ZGRF1: variants seen among roughly 807,000 people sequenced by gnomAD.
ZGRF1 encodes zinc finger GRF-type containing 1, also known as 5'-3' DNA helicase ZGRF1.
In ZGRF1, 196 loss-of-function variants were observed where a neutral mutation model predicts 203.5. That is an observed-to-expected ratio of 0.96 (90% CI 0.86 to 1.08). ZGRF1 has a LOEUF of 1.08. Ranked by LOEUF, ZGRF1 falls within the 50% of genes least tolerant of loss-of-function variation. The pLI is 0.00. For synonymous variants in ZGRF1, 809 were observed against 841.3 expected (o/e 0.96, Z 0.66); for missense variants, 2,326 against 2,416.3 (o/e 0.96, Z 0.78).
intron 16 of ZGRF1, among the ~76,000 whole-genome samples, chr4:112,576,730 A>G (rs1745303941): frequency 1.3e-5 from 2 of 152,174 alleles, no homozygotes; most frequent in South Asian, 4.1e-4. Flanking sequence ...TTTATGGAAA[A>G]AAGAATAAAA....
At chr4:112,627,294 T>A (rs2047269380) in intron 3 of ZGRF1, among the ~76,000 whole-genome samples, 1 of 152,194 alleles carries the variant, frequency 6.6e-6, no homozygotes. Flanking sequence ...CTATAATCAT[T>A]CTTTTTCTCC....
chr4:112,633,890 C>G (rs1272150012), intron 1 of ZGRF1, among the ~76,000 whole-genome samples: 1 of 152,154 alleles, frequency 6.6e-6, no homozygotes, highest in African/African-American at 2.4e-5. Flanking sequence ...CCTGGACCAA[C>G]AGTATCATCT....
In ZGRF1 at chr4:112,633,223, T is replaced by G; in HGVS notation, c.-47A>C. The G allele has an allele frequency of 6.8e-7, 1 of 1,480,444 alleles. No homozygotes were observed. The highest frequency in any genetic ancestry group is 1.2e-5 in the South Asian group (1 of 86,140). The allele number at this position is 1,480,444 out of a possible 1,614,324, so 91.7% of individuals were successfully genotyped here. On this transcript the variant is annotated 5_prime_UTR_variant, in exon 2 of 28. Coordinates refer to ENST00000505019, the MANE Select transcript of ZGRF1 (RefSeq NM_018392.5). ...CCAGCTGGGTCCAGAAAATAGGAAA[T>G]ATTCAACTATTTATACCACCTAAAA...
chr4:112,620,294 G>A (rs1560875946), intron 4 of ZGRF1, 104 bp from the exon 5 acceptor site: 1 of 693,830 alleles, frequency 1.4e-6, no homozygotes, highest in East Asian at 2.9e-5. Flanking sequence ...CAATAAATAG[G>A]TGTTGAACGA....
intron 14 of ZGRF1, 63 bp from the exon 15 acceptor site, chr4:112,584,237 TTG>T (rs557002741): frequency 3.2e-4 from 389 of 1,210,768 alleles, no homozygotes; most frequent in Non-Finnish European, 4.0e-4. Flanking sequence ...TCGATTATTT[TTG>T]TGTTTGTCAA....
rs1738026203 is a variant in ZGRF1 at position 112,543,124 on chromosome 4, G to T, written c.5599-1856C>A. The stretch of plus-strand genomic sequence containing the variant: ...AGCAAAGAAACAATATTATATCCAT[G>T]AACTTACCACCCAGACTTGACATTA... On this transcript the variant is annotated intron_variant, in intron 24 of 27. Coordinates refer to ENST00000505019, the MANE Select transcript of ZGRF1 (RefSeq NM_018392.5). 1.3e-5 allele frequency among the ~76,000 whole-genome samples: 2 copies of T among 152,032 alleles called. 1 individual carries two copies. The highest frequency in any genetic ancestry group is 4.1e-4 in the South Asian group (2 of 4,820).
intron 16 of ZGRF1, among the ~76,000 whole-genome samples, chr4:112,573,167 T>TACACACACACAC (rs145611842): frequency 1.9e-4 from 27 of 145,514 alleles, no homozygotes; most frequent in African/African-American, 3.6e-4. Flanking sequence ...GAAATTGTGA[T>TACACACACACAC]ACACACACAC....
Position 112,597,089 on chromosome 4 carries a change from C to T in ZGRF1, c.2976+6435G>A, listed in dbSNP as rs1217466205. On this transcript the variant is annotated intron_variant, in intron 10 of 27. Coordinates refer to ENST00000505019, the MANE Select transcript of ZGRF1 (RefSeq NM_018392.5). ...ATTAGCCAGGTGTGGTGGTGCACGCCTGTAGTCCCAGCTTCTTGGGAGGCT... is the reference window on the plus strand; with the variant it reads ...ATTAGCCAGGTGTGGTGGTGCACGCTTGTAGTCCCAGCTTCTTGGGAGGCT... 2.0e-5 allele frequency among the ~76,000 whole-genome samples: 3 copies of T among 151,668 alleles called. No individual in the cohort carries two copies. In the East Asian group the frequency reaches 5.8e-4, roughly 29 times the overall value.
At chr4:112,607,338 T>C (rs184947307) in intron 8 of ZGRF1, among the ~76,000 whole-genome samples, 2 of 152,334 alleles carry the variant, frequency 1.3e-5, no homozygotes, top group African/African-American at 2.4e-5. Context: ...CTCACTGTAT[T>C]GCCCACACTG....
At chr4:112,545,566 G>C (rs1028013214) in intron 24 of ZGRF1, among the ~76,000 whole-genome samples, 1 of 152,104 alleles carries the variant, frequency 6.6e-6, no homozygotes, top group Non-Finnish European at 1.5e-5. Flanking sequence ...ATAGAAAAAA[G>C]TTTGGTGGTT....
chr4:112,629,344 T>C (rs2149204940), intron 3 of ZGRF1, among the ~76,000 whole-genome samples: 1 of 152,346 alleles, frequency 6.6e-6, no homozygotes, highest in South Asian at 2.1e-4. Flanking sequence ...AGATTTTAGT[T>C]ATTGGCCAAT....
chr4:112,550,900 T>C (rs1739831009), intron 22 of ZGRF1, among the ~76,000 whole-genome samples: 1 of 152,146 alleles, frequency 6.6e-6, no homozygotes, highest in African/African-American at 2.4e-5. Context: ...AGTAATGTCC[T>C]AGGCTTCCAC....
chr4:112,634,943 A>C (rs1452494997), intron 1 of ZGRF1, among the ~76,000 whole-genome samples: 1 of 152,044 alleles, frequency 6.6e-6, no homozygotes, highest in Admixed American at 6.5e-5. Flanking sequence ...CAGCCTGACC[A>C]ACATGGTGAA....
At chr4:112,595,044 CCAGCCTGG>C (rs1748769522) in intron 10 of ZGRF1, among the ~76,000 whole-genome samples, 1 of 151,936 alleles carries the variant, frequency 6.6e-6, no homozygotes, top group Non-Finnish European at 1.5e-5. Context: ...GAGTTTGAGA[CCAGCCTGG>C]CCAACATGGT....
chr4:112,589,149 T>C (rs968670967), intron 11 of ZGRF1, among the ~76,000 whole-genome samples: 1 of 151,962 alleles, frequency 6.6e-6, no homozygotes, highest in Non-Finnish European at 1.5e-5. Context: ...GATATATTGA[T>C]GAGATTATAA....
At chr4:112,604,407 G>C (rs1195584298) in intron 9 of ZGRF1, among the ~76,000 whole-genome samples, 1 of 151,952 alleles carries the variant, frequency 6.6e-6, no homozygotes, top group Non-Finnish European at 1.5e-5. Flanking sequence ...ATATATTATA[G>C]ACTCACAACT....
intron 10 of ZGRF1, among the ~76,000 whole-genome samples, chr4:112,591,611 A>G (rs1356296380): frequency 1.3e-5 from 2 of 151,948 alleles, no homozygotes; most frequent in African/African-American, 4.8e-5. Context: ...CACTCACTCC[A>G]TGGCAGCCTC....
intron 8 of ZGRF1, among the ~76,000 whole-genome samples, chr4:112,608,608 G>A (rs1214719578): frequency 2.0e-5 from 3 of 152,052 alleles, no homozygotes; most frequent in Non-Finnish European, 4.4e-5. Context: ...CGACAAGAGT[G>A]AAACTCCACC....
intron 4 of ZGRF1, among the ~76,000 whole-genome samples, chr4:112,620,863 C>CAA (rs554450313): frequency 2.4e-4 from 15 of 61,754 alleles, no homozygotes; most frequent in South Asian, 1.9e-3. Context: ...GACCCTGTCT[C>CAA]AAAAAAAAAA....
Sources: allele counts gnomAD v4.1 joint callset (sites outside exome capture counted in the v4.1 genomes callset), GRCh38; gene constraint gnomAD v4.1.1; transcripts MANE v1.5; gene names NCBI Gene and HGNC (gene_info 2026-07-23, HGNC 2026-07-21).